The following COLGALT2 variants were observed in gnomAD, a reference collection of about 807,000 sequenced individuals.
COLGALT2 encodes procollagen galactosyltransferase 2.
In COLGALT2, 49 loss-of-function variants were observed where a neutral mutation model predicts 73.4. The ratio of observed to expected loss-of-function variants is 0.67; its 90% CI spans 0.53 to 0.85. The LOEUF is 0.85. Ranked by LOEUF, COLGALT2 falls within the 40% of genes least tolerant of loss-of-function variation. The pLI, the probability that COLGALT2 is intolerant of heterozygous loss-of-function variation, is 0.00. For missense variants in COLGALT2, 722 were observed against 790.2 expected (o/e 0.91, Z 1.03); for synonymous variants, 295 against 307.6 (o/e 0.96, Z 0.43).
Position 183,954,852 on chromosome 1 carries a change from G to A in COLGALT2, c.953-14C>T. Reference sequence around the variant, plus strand: ...GAGGACGGTCAACTGGAAGACACAAGAAACATGCAGAGTGCTTTGTTAATG... The same window carrying A: ...GAGGACGGTCAACTGGAAGACACAAAAAACATGCAGAGTGCTTTGTTAATG... On this transcript the variant is annotated splice_polypyrimidine_tract_variant and intron_variant, in intron 6 of 11. Coordinates refer to ENST00000361927, the MANE Select transcript of COLGALT2 (RefSeq NM_015101.4). The A allele has an allele frequency of 6.3e-7, 1 of 1,593,368 alleles. No individual in the cohort carries two copies. The highest frequency in any genetic ancestry group is 8.6e-7 in the Non-Finnish European group (1 of 1,161,404).
At chr1:183,970,105 G>C (rs1353320412) in intron 4 of COLGALT2, among the ~76,000 whole-genome samples, 1 of 152,172 alleles carries the variant, frequency 6.6e-6, no homozygotes. Context: ...ATATACAAAT[G>C]AGGGTCTTCT....
chr1:183,992,957 G>T (rs1671669043), intron 1 of COLGALT2, among the ~76,000 whole-genome samples: 1 of 152,150 alleles, frequency 6.6e-6, no homozygotes. Flanking sequence ...TGAGGGCAGG[G>T]ATATGTCTGT....
chr1:183,992,343 G>A (rs1176404809), intron 1 of COLGALT2, among the ~76,000 whole-genome samples: 1 of 152,136 alleles, frequency 6.6e-6, no homozygotes, highest in African/African-American at 2.4e-5. Flanking sequence ...TAAAACAGAA[G>A]GAAATACTTT....
chr1:183,963,328 C>T (rs183851354), intron 6 of COLGALT2, among the ~76,000 whole-genome samples: 170 of 152,228 alleles, frequency 1.1e-3, no homozygotes, highest in African/African-American at 3.9e-3. Context: ...AATAAAAACC[C>T]TTCATTGAAT....
At chr1:183,972,554 T>C (rs961052636) in intron 4 of COLGALT2, among the ~76,000 whole-genome samples, 1 of 151,818 alleles carries the variant, frequency 6.6e-6, no homozygotes, top group Non-Finnish European at 1.5e-5. Flanking sequence ...AAGATTTTAC[T>C]ATGAAAAAAA....
chr1:183,949,793 A>G (rs145835492), intron 8 of COLGALT2, among the ~76,000 whole-genome samples: 3 of 152,374 alleles, frequency 2.0e-5, no homozygotes, highest in East Asian at 3.9e-4. Flanking sequence ...GTGACAATCA[A>G]TAATGCATAA....
At chr1:183,930,174 A>T (rs1251946303) in exon 12 of COLGALT2, 1 of 455,854 alleles carries the variant, frequency 2.2e-6, no homozygotes, top group Admixed American at 2.4e-5. Flanking sequence ...GTTGATGAAC[A>T]CGACCACCTC....
chr1:184,006,756 A>G (rs1314207618), intron 1 of COLGALT2, among the ~76,000 whole-genome samples: 2 of 152,230 alleles, frequency 1.3e-5, no homozygotes, highest in Non-Finnish European at 2.9e-5. Context: ...CCAACCCTGC[A>G]TAATATCATT....
At chr1:183,966,735 T>A (rs1670884346) in intron 5 of COLGALT2, among the ~76,000 whole-genome samples, 1 of 152,212 alleles carries the variant, frequency 6.6e-6, no homozygotes, top group Non-Finnish European at 1.5e-5. Context: ...AGAACCCAGA[T>A]CACTGGCCAC....
chr1:184,002,304 G>A lies in COLGALT2; in HGVS notation c.264-23784C>T, dbSNP rs558388853. The stretch of plus-strand genomic sequence containing the variant: ...GCCCCTGGCTGGGAGAAGAAACCTG[G>A]GCTAGACTCCATGCCAGGAAATAAA... On this transcript the variant is annotated intron_variant, in intron 1 of 11. Transcript: ENST00000361927. Among the ~76,000 whole-genome samples, 4 of 152,260 alleles carry A rather than the reference G, an allele frequency of 2.6e-5. No homozygotes were observed. In the South Asian group the frequency reaches 6.2e-4, roughly 24 times the overall value.
chr1:183,982,141 C>T (rs1424900148), intron 1 of COLGALT2, among the ~76,000 whole-genome samples: 2 of 152,100 alleles, frequency 1.3e-5, no homozygotes, highest in African/African-American at 4.8e-5. Context: ...GGAGAACGAC[C>T]CACAGGCCCA....
intron 6 of COLGALT2, among the ~76,000 whole-genome samples, chr1:183,962,459 T>C (rs115902205): frequency 3.0e-3 from 458 of 152,092 alleles, no homozygotes; most frequent in African/African-American, 0.011. Flanking sequence ...ATGCCAGCCA[T>C]GGTCTCTCTT....
At chr1:183,930,569 C>CT (rs397861890) in intron 11 of COLGALT2, among the ~76,000 whole-genome samples, 41,276 of 112,944 alleles carry the variant, frequency 0.37, 7,771 homozygotes, top group Non-Finnish European at 0.4. Flanking sequence ...TTTTCTTTTT[C>CT]TTTTTTTTTT....
intron 6 of COLGALT2, among the ~76,000 whole-genome samples, chr1:183,955,268 C>T (rs74133058): frequency 0.013 from 2,043 of 152,248 alleles, 41 homozygotes; most frequent in African/African-American, 0.046. Context: ...ATGAGACCTG[C>T]GTGCAAAGCA....
At chr1:183,978,382 G>T (rs1164318474) in intron 2 of COLGALT2, 28 bp downstream of exon 2, 1 of 1,271,260 alleles carries the variant, frequency 7.9e-7, no homozygotes, top group Non-Finnish European at 1.1e-6. Context: ...TAAATAATGA[G>T]TTTACAAATT....
rs777251181 is a variant in COLGALT2, at chr1:183,945,399, A to G, written c.1269+33T>C. The G allele has an allele frequency of 8.7e-6, 14 of 1,609,134 alleles. No homozygotes were observed. The Admixed American group carries it at 2.0e-4, about 23-fold the overall frequency. On this transcript the variant is annotated intron_variant, in intron 9 of 11. Transcript: ENST00000361927. The stretch of plus-strand genomic sequence containing the variant: ...TAGCCTGCTTTCCTTTCTCCTCATC[A>G]TAAAACTGCAATCTGAATAAAGCAT...
chr1:183,988,910 C>G (rs1671558932), intron 1 of COLGALT2, among the ~76,000 whole-genome samples: 1 of 151,912 alleles, frequency 6.6e-6, no homozygotes, highest in Non-Finnish European at 1.5e-5. Flanking sequence ...TATTCTTTAC[C>G]CTTTGTGGAG....
At chr1:184,035,571 A>G (rs1164700554) in intron 1 of COLGALT2, among the ~76,000 whole-genome samples, 1 of 152,230 alleles carries the variant, frequency 6.6e-6, no homozygotes, top group African/African-American at 2.4e-5. Context: ...GTATGATAAA[A>G]AGAGGTAATG....
At chr1:183,996,603 G>A (rs12059407) in intron 1 of COLGALT2, among the ~76,000 whole-genome samples, 13,368 of 152,194 alleles carry the variant, frequency 0.088, 969 homozygotes, top group East Asian at 0.41. Context: ...TCCCCACCTC[G>A]TGAACAAAGG....
Sources: allele counts gnomAD v4.1 joint callset (sites outside exome capture counted in the v4.1 genomes callset), GRCh38; gene constraint gnomAD v4.1.1; transcripts MANE v1.5; gene names NCBI Gene and HGNC (gene_info 2026-07-23, HGNC 2026-07-21).